Variants in LRRC4C observed in about 807,000 individuals in gnomAD.
LRRC4C encodes the protein leucine rich repeat containing 4C, also known as leucine-rich repeat-containing protein 4C.
In LRRC4C, 5 loss-of-function variants were observed where a neutral mutation model predicts 33.6. The ratio of observed to expected loss-of-function variants is 0.15; its 90% confidence interval spans 0.08 to 0.31. The LOEUF (loss-of-function observed/expected upper bound fraction) is 0.31. Ranked by LOEUF, LRRC4C falls within the 10% of genes least tolerant of loss-of-function variation. The pLI, the probability that LRRC4C is intolerant of heterozygous loss-of-function variation, is 1.00. For missense variants in LRRC4C, 560 were observed against 796.7 expected (o/e 0.70, Z 3.58); for synonymous variants, 329 against 302.0 (o/e 1.09, Z -0.93).
intron 1 of LRRC4C, among the ~76,000 whole-genome samples, chr11:41,230,056 A>G (rs1947715337): frequency 6.6e-6 from 1 of 151,968 alleles, no homozygotes; most frequent in Non-Finnish European, 1.5e-5. Context: ...CTCTGACTAC[A>G]TATTCTGACA....
chr11:40,527,567 T>C (rs1489913849), intron 3 of LRRC4C, among the ~76,000 whole-genome samples: 1 of 152,062 alleles, frequency 6.6e-6, no homozygotes, highest in African/African-American at 2.4e-5. Flanking sequence ...AGTCTTAGAT[T>C]TGCACAATAG....
At chr11:40,725,197 G>A (rs1370570260) in intron 2 of LRRC4C, among the ~76,000 whole-genome samples, 1 of 152,172 alleles carries the variant, frequency 6.6e-6, no homozygotes, top group Non-Finnish European at 1.5e-5. Flanking sequence ...ACTGAAGTGA[G>A]ACTCTGGCAT....
chr11:40,922,648 T>C (rs926666854), intron 2 of LRRC4C, among the ~76,000 whole-genome samples: 2 of 152,168 alleles, frequency 1.3e-5, no homozygotes, highest in African/African-American at 4.8e-5. Context: ...ATACCTGTAG[T>C]CTGTCAATAA....
chr11:41,099,068 C>T (rs754899341), intron 1 of LRRC4C, among the ~76,000 whole-genome samples: 2 of 151,996 alleles, frequency 1.3e-5, no homozygotes, highest in African/African-American at 2.4e-5. Flanking sequence ...TCTGTGTACA[C>T]AAACTAGAAA....
At chr11:41,146,653 C>T (rs1056594291) in intron 1 of LRRC4C, among the ~76,000 whole-genome samples, 7 of 152,154 alleles carry the variant, frequency 4.6e-5, no homozygotes, top group South Asian at 2.1e-4. Flanking sequence ...TCCTTCCTCC[C>T]GCCTGCCACA....
intron 3 of LRRC4C, among the ~76,000 whole-genome samples, chr11:40,423,292 A>G (rs1439568845): frequency 6.6e-6 from 1 of 151,716 alleles, no homozygotes; most frequent in Non-Finnish European, 1.5e-5. Context: ...CCTCCAGGAT[A>G]TAAACGGTGT....
intron 4 of LRRC4C, among the ~76,000 whole-genome samples, chr11:40,242,301 C>T (rs533223963): frequency 6.6e-6 from 1 of 152,274 alleles, no homozygotes; most frequent in South Asian, 2.1e-4. Flanking sequence ...ACGGCTCATG[C>T]TTTAACTACA....
intron 1 of LRRC4C, among the ~76,000 whole-genome samples, chr11:40,958,158 G>T (rs1020475918): frequency 6.6e-6 from 1 of 151,648 alleles, no homozygotes; most frequent in Non-Finnish European, 1.5e-5. Context: ...TAGAATCCTA[G>T]ATTCTAGAAC....
Position 40,999,783 on chromosome 11 carries a change from G to T in LRRC4C, c.-495-66060C>A, listed in dbSNP as rs559370302. On this transcript the variant is annotated intron_variant, in intron 1 of 6. Transcript: ENST00000528697. ...TATCATTTACTTAGGTAAGCCTAAA[G>T]TTTTTTGGAAGCACAAAATAAGGAA... Among the ~76,000 whole-genome samples, 18 of 152,212 alleles carry T rather than the reference G, an allele frequency of 1.2e-4. No individual in the cohort carries two copies. The South Asian group carries it at 3.5e-3, about 30-fold the overall frequency.
At chr11:40,646,534 T>C (rs1405938018) in intron 3 of LRRC4C, among the ~76,000 whole-genome samples, 1 of 152,082 alleles carries the variant, frequency 6.6e-6, no homozygotes, top group Non-Finnish European at 1.5e-5. Context: ...TGTGTATAAA[T>C]AGAAAGACCA....
chr11:40,435,314 G>A (rs981213976), intron 3 of LRRC4C, among the ~76,000 whole-genome samples: 7 of 152,240 alleles, frequency 4.6e-5, no homozygotes, highest in Middle Eastern at 3.4e-3. Flanking sequence ...CTGTTATAGC[G>A]CCAAACACTT....
chr11:41,300,044 C>A (rs1211833344), intron 1 of LRRC4C, among the ~76,000 whole-genome samples: 1 of 151,986 alleles, frequency 6.6e-6, no homozygotes, highest in African/African-American at 2.4e-5. Context: ...AAGGTAGAAT[C>A]AAAAATAATT....
At chr11:41,322,406 C>A (rs1950985025) in intron 1 of LRRC4C, among the ~76,000 whole-genome samples, 1 of 151,696 alleles carries the variant, frequency 6.6e-6, no homozygotes, top group African/African-American at 2.4e-5. Context: ...ACCCAGTTGT[C>A]CTTTAAGATT....
rs59634318 is a variant in LRRC4C, at chr11:40,120,950, G to C, written c.-42-4616C>G. On this transcript the variant is annotated intron_variant, in intron 6 of 6. Transcript: ENST00000528697. ...ATCTGTGAAAGAACACTGTTACCTA[G>C]TCAAAAGACTTTGGTTAGGACTGTC... Among the ~76,000 whole-genome samples, 214 of 152,172 alleles carry C rather than the reference G, an allele frequency of 1.4e-3. 4 individuals are homozygous for C. The South Asian group carries it at 0.017, about 12-fold the overall frequency.
intron 5 of LRRC4C, among the ~76,000 whole-genome samples, chr11:40,226,295 T>C (rs965686): frequency 0.16 from 25,018 of 152,152 alleles, 2,585 homozygotes; most frequent in Admixed American, 0.28. Context: ...ACGTTCACTA[T>C]TGGGTCTTTC....
intron 1 of LRRC4C, among the ~76,000 whole-genome samples, chr11:41,316,652 G>T (rs913991235): frequency 1.3e-5 from 2 of 152,072 alleles, no homozygotes; most frequent in Non-Finnish European, 2.9e-5. Context: ...TTATCCCCTT[G>T]CTTTCTTATC....
chr11:41,292,495 T>C (rs2137016510), intron 1 of LRRC4C, among the ~76,000 whole-genome samples: 1 of 152,110 alleles, frequency 6.6e-6, no homozygotes, highest in Admixed American at 6.5e-5. Context: ...CACAGAATAA[T>C]GTCAGGGGAG....
intron 2 of LRRC4C, among the ~76,000 whole-genome samples, chr11:40,904,426 T>G (rs549564497): frequency 6.6e-6 from 1 of 152,262 alleles, no homozygotes; most frequent in Non-Finnish European, 1.5e-5. Flanking sequence ...ATTTCAAGTG[T>G]TATAAAAGAA....
At chr11:40,831,915 G>A (rs996802164) in intron 2 of LRRC4C, among the ~76,000 whole-genome samples, 3 of 151,928 alleles carry the variant, frequency 2.0e-5, no homozygotes, top group African/African-American at 7.3e-5. Context: ...ATAAGATTTG[G>A]GTGGGGACAC....
Sources: allele counts gnomAD v4.1 joint callset (sites outside exome capture counted in the v4.1 genomes callset), GRCh38; gene constraint gnomAD v4.1.1; transcripts MANE v1.5; gene names NCBI Gene and HGNC (gene_info 2026-07-23, HGNC 2026-07-21).